Variants in CLOCK observed in about 807,000 individuals in gnomAD.
The protein encoded by CLOCK is circadian locomoter output cycles protein kaput.
A neutral mutation model predicts 118.4 loss-of-function variants in CLOCK; 43 were observed. The observed-to-expected ratio is 0.36, with a 90% confidence interval of 0.28 to 0.47. The LOEUF is 0.47. Among genes scored for constraint, CLOCK ranks in the 20% least tolerant of loss-of-function variants. The pLI is 1.00. For synonymous variants in CLOCK, 326 were observed against 339.2 expected, an observed-to-expected ratio of 0.96 and a Z score of 0.43; for missense variants, 846 against 999.9, an observed-to-expected ratio of 0.85 and a Z score of 2.08.
intron 1 of CLOCK, among the ~76,000 whole-genome samples, chr4:55,530,704 G>A (rs1352267043): frequency 6.9e-6 from 1 of 144,566 alleles, no homozygotes; most frequent in Non-Finnish European, 1.5e-5. Context: ...GAACCCAGGA[G>A]GTGGAGGTTG....
chr4:55,508,355 C>T (rs933912590), intron 2 of CLOCK, among the ~76,000 whole-genome samples: 4 of 152,080 alleles, frequency 2.6e-5, no homozygotes, highest in African/African-American at 9.7e-5. Flanking sequence ...TAGAAGAATC[C>T]ATTTCCCCTG....
intron 2 of CLOCK, among the ~76,000 whole-genome samples, chr4:55,492,884 C>T (rs1727813351): frequency 6.6e-6 from 1 of 151,978 alleles, no homozygotes; most frequent in African/African-American, 2.4e-5. Context: ...AAAGCTAGAA[C>T]AAATTTAAAT....
chr4:55,455,546 AG>A (rs1318158319), intron 13 of CLOCK, among the ~76,000 whole-genome samples: 1 of 152,188 alleles, frequency 6.6e-6, no homozygotes, highest in Non-Finnish European at 1.5e-5. Flanking sequence ...GCTCCTGAAA[AG>A]ATTCACATGC....
chr4:55,442,683 T>C (rs1723468976), intron 20 of CLOCK, 49 bp from the exon 21 acceptor site: 1 of 1,476,114 alleles, frequency 6.8e-7, no homozygotes, highest in Non-Finnish European at 9.4e-7. Flanking sequence ...AAAATAATTA[T>C]TTGGGAAGTA....
chr4:55,428,772 T>C lies in CLOCK; in HGVS notation c.*6643A>G, dbSNP rs1722341194. On this transcript the variant is annotated 3_prime_UTR_variant, in exon 23 of 23. Transcript: ENST00000513440. ...ACCAACTGATGTTAACAATGAAAAATTTACAAAGGTAAAACTTTTTTTTTT... is the reference window on the plus strand; with the variant it reads ...ACCAACTGATGTTAACAATGAAAAACTTACAAAGGTAAAACTTTTTTTTTT... 1 of 151,676 alleles carries C rather than the reference T, an allele frequency of 6.6e-6. No homozygotes were observed. The highest frequency in any genetic ancestry group is 1.5e-5 in the Non-Finnish European group (1 of 67,974). The allele number at this position is 151,676 out of a possible 1,614,324, so 9.4% of individuals were successfully genotyped here.
chr4:55,539,273 C>A (rs112319159), intron 1 of CLOCK, among the ~76,000 whole-genome samples: 5,111 of 151,754 alleles, frequency 0.034, 103 homozygotes, highest in Non-Finnish European at 0.054. Flanking sequence ...ACACCAAAAA[C>A]CACTTCAAAA....
chr4:55,446,254 C>T (rs1295213832), intron 18 of CLOCK, among the ~76,000 whole-genome samples: 2 of 151,930 alleles, frequency 1.3e-5, no homozygotes, highest in Non-Finnish European at 2.9e-5. Context: ...CCACCATGCC[C>T]GGCTAATGTT....
At chr4:55,439,874 T>C (rs996485856) in intron 21 of CLOCK, among the ~76,000 whole-genome samples, 1 of 152,050 alleles carries the variant, frequency 6.6e-6, no homozygotes, top group Non-Finnish European at 1.5e-5. Context: ...ATAATGGGTA[T>C]GGAGTTTCTG....
intron 3 of CLOCK, 122 bp downstream of exon 3, chr4:55,489,252 A>T (rs1259233994): frequency 6.6e-6 from 1 of 152,226 alleles, no homozygotes; most frequent in Non-Finnish European, 1.5e-5. Flanking sequence ...GTAAATTAAC[A>T]CACAAAAATT....
intron 22 of CLOCK, among the ~76,000 whole-genome samples, chr4:55,435,846 C>T (rs948388100): frequency 2.0e-5 from 3 of 152,202 alleles, no homozygotes; most frequent in African/African-American, 4.8e-5. Flanking sequence ...AGAAAGCAAT[C>T]TATATCTTGA....
intron 3 of CLOCK, among the ~76,000 whole-genome samples, chr4:55,486,178 T>C (rs1727284714): frequency 1.3e-5 from 2 of 152,246 alleles, no homozygotes; most frequent in South Asian, 4.1e-4. Flanking sequence ...ATACTATAAT[T>C]ACTTTTCCTT....
rs1723656632 is a variant in CLOCK at position 55,444,758 on chromosome 4, T to C, written c.1567A>G (p.Met523Val). The change falls in exon 19 of 23, where the codon ATG (methionine) becomes GTG (valine). Residue 523 changes from methionine to valine, a missense_variant. Transcript: ENST00000513440. ...TCCAATTGGTCTTTCAGATGTTGCA[T>C]GGCTCCTAATTGAGCTGAAAACTGA... ...QFQFSAQLGA[M>V]QHLKDQLEQR... 1 of 1,614,094 alleles carries C rather than the reference T, an allele frequency of 6.2e-7. No homozygotes were observed. Among genetic ancestry groups the C allele is most frequent in the Non-Finnish European group, 8.5e-7 (1 of 1,179,994 alleles).
chr4:55,463,651 C>A lies in CLOCK; in HGVS notation c.559+34G>T, dbSNP rs150520621. The A allele has an allele frequency of 3.7e-4, 599 of 1,610,500 alleles. 13 individuals carry two copies. In the East Asian group the frequency reaches 0.013, roughly 36 times the overall value. On this transcript the variant is annotated intron_variant, in intron 9 of 22. Transcript: ENST00000513440. ...AAAAGGATAGTGCTACTGAATACAA[C>A]ATTTGACTTTTTTGCTTAACAGCTA...
intron 18 of CLOCK, among the ~76,000 whole-genome samples, chr4:55,446,667 A>G (rs917569024): frequency 8.5e-5 from 13 of 152,222 alleles, no homozygotes; most frequent in African/African-American, 3.1e-4. Context: ...TTGAGTCATG[A>G]GCAGCTCCTA....
rs1722502774 is a variant in CLOCK, at chr4:55,431,554, A to G, written c.*3861T>C. 2 of 152,042 alleles carry G rather than the reference A, an allele frequency of 1.3e-5. No homozygotes were observed. The highest frequency in any genetic ancestry group is 4.8e-5 in the African/African-American group (2 of 41,436). 9.4% of individuals were successfully genotyped at this position (152,042 alleles called of 1,614,324 possible). On this transcript the variant is annotated 3_prime_UTR_variant, in exon 23 of 23. Coordinates refer to ENST00000513440, the MANE Select transcript of CLOCK (RefSeq NM_004898.4). Reference sequence around the variant, plus strand: ...AAATTCCAATCAGCTTGTCCTGGCTAGAAAGACTCACTCAGCAACATTAAT... The same window carrying G: ...AAATTCCAATCAGCTTGTCCTGGCTGGAAAGACTCACTCAGCAACATTAAT...
At chr4:55,541,827 G>A (rs1731287164) in intron 1 of CLOCK, among the ~76,000 whole-genome samples, 1 of 140,812 alleles carries the variant, frequency 7.1e-6, no homozygotes, top group South Asian at 2.4e-4. Context: ...TCTCACAGAT[G>A]CCTGCTAAAA....
chr4:55,467,449 C>A (rs1031153738), intron 8 of CLOCK, among the ~76,000 whole-genome samples: 1 of 152,006 alleles, frequency 6.6e-6, no homozygotes, highest in Non-Finnish European at 1.5e-5. Flanking sequence ...GTAGTACATA[C>A]AAGGTAACAG....
chr4:55,521,265 C>T (rs1046610493), intron 1 of CLOCK, among the ~76,000 whole-genome samples: 2 of 152,150 alleles, frequency 1.3e-5, no homozygotes, highest in Admixed American at 1.3e-4. Context: ...TGTTGCCAGG[C>T]TGGAGTGCAA....
intron 15 of CLOCK, 75 bp downstream of exon 15, chr4:55,452,979 T>C: frequency 9.9e-7 from 1 of 1,010,448 alleles, no homozygotes; most frequent in Non-Finnish European, 1.5e-6. Context: ...AAAATAGTTT[T>C]CCTATTAATT....
Sources: gnomAD v4.1 joint callset for allele counts (sites outside exome capture counted in the v4.1 genomes callset) on GRCh38, gnomAD v4.1.1 for gene constraint, MANE v1.5 for transcripts, NCBI Gene and HGNC (gene_info 2026-07-23, HGNC 2026-07-21) for gene names.